DIPK2B: variants seen among roughly 807,000 people sequenced by gnomAD.
The protein encoded by DIPK2B is UPF0672 protein CXorf36.
In DIPK2B, 15 loss-of-function variants were observed where a neutral mutation model predicts 22.2. The ratio of observed to expected loss-of-function variants is 0.68; its 90% CI spans 0.45 to 1.04. The LOEUF is 1.04. Ranked by LOEUF, DIPK2B falls within the 50% of genes least tolerant of loss-of-function variation. The pLI, the probability that DIPK2B is intolerant of heterozygous loss-of-function variation, is 0.00. For missense variants in DIPK2B, 345 were observed against 348.3 expected (o/e 0.99, Z 0.08); for synonymous variants, 163 against 153.2 (o/e 1.06, Z -0.47).
At chrX:45,164,082 G>A (rs73206205) in intron 2 of DIPK2B, 84,603 of 1,032,554 alleles carry the variant, frequency 0.082, 2,712 homozygotes, top group Non-Finnish European at 0.094. Context: ...GTTTGATGCA[G>A]AAGCCTCTTT....
At chrX:45,185,765 G>A (rs1276059091) in intron 2 of DIPK2B, among the ~76,000 whole-genome samples, 1 of 106,102 alleles carries the variant, frequency 9.4e-6, no homozygotes, top group Non-Finnish European at 1.9e-5. Flanking sequence ...CCATTCTCCT[G>A]CCTCAGCCTC....
intron 2 of DIPK2B, among the ~76,000 whole-genome samples, chrX:45,188,950 T>C (rs2047197069): frequency 8.9e-6 from 1 of 112,975 alleles, no homozygotes; most frequent in African/African-American, 3.2e-5. Flanking sequence ...AATATTCCAC[T>C]GTATGGATAG....
At chrX:45,157,654 G>A in intron 3 of DIPK2B, 61 bp downstream of exon 3, 1 of 1,085,212 alleles carries the variant, frequency 9.2e-7, no homozygotes, top group Non-Finnish European at 1.2e-6. Flanking sequence ...TCAATCCAGG[G>A]AGGCTTCTGG....
intron 2 of DIPK2B, among the ~76,000 whole-genome samples, chrX:45,178,210 C>G (rs1212656173): frequency 8.9e-6 from 1 of 112,291 alleles, no homozygotes; most frequent in Non-Finnish European, 1.9e-5. Flanking sequence ...ACAGGAGTTC[C>G]TCACACATTC....
chrX:45,200,550 G>C, intron 1 of DIPK2B, 44 bp downstream of exon 1: 1 of 1,119,341 alleles, frequency 8.9e-7, no homozygotes, highest in South Asian at 1.9e-5. Flanking sequence ...CACAAGAAGG[G>C]AACAGAATTT....
At chrX:45,153,474 T>TTGTGTGTGTGTGTG (rs34281975) in intron 4 of DIPK2B, among the ~76,000 whole-genome samples, 20 of 73,862 alleles carry the variant, frequency 2.7e-4, no homozygotes, top group East Asian at 1.4e-3. Flanking sequence ...CCCAAAAGTT[T>TTGTGTGTGTGTGTG]TGTGTGTGTG....
chrX:45,165,714 A>G (rs1281169775), intron 2 of DIPK2B, among the ~76,000 whole-genome samples: 1 of 111,886 alleles, frequency 8.9e-6, no homozygotes, highest in Non-Finnish European at 1.9e-5. Flanking sequence ...ATGCTAAAAT[A>G]GTCCGTTTTA....
chrX:45,152,069 T>C, intron 4 of DIPK2B, 77 bp from the exon 5 acceptor site: 6 of 983,442 alleles, frequency 6.1e-6, no homozygotes, highest in Middle Eastern at 5.6e-4. Context: ...TTAGAATTCC[T>C]GGGTGGGGCC....
chrX:45,151,721 C>T lies in DIPK2B; in HGVS notation c.1233G>A (p.Arg411=), dbSNP rs2046962253. The T allele has an allele frequency of 2.5e-6, 3 of 1,211,908 alleles. No homozygotes were observed. In the East Asian group the frequency reaches 8.9e-5, roughly 36 times the overall value. The change falls in exon 5 of 5, where the codon AGG becomes AGA. Residue 411 remains arginine, a synonymous_variant. Coordinates refer to ENST00000398000, the MANE Select transcript of DIPK2B (RefSeq NM_176819.4). Reference sequence around the variant, plus strand: ...ATCTGGAGTCACACGTTCTCAGGGGCCTCAAGATGTCTTTCAGCTGGCTGG... The same window carrying T: ...ATCTGGAGTCACACGTTCTCAGGGGTCTCAAGATGTCTTTCAGCTGGCTGG... ...GAASQLKDIL[R]PLRTCDSRFA...
At chrX:45,186,870 C>T (rs1007271765) in intron 2 of DIPK2B, among the ~76,000 whole-genome samples, 3 of 112,279 alleles carry the variant, frequency 2.7e-5, no homozygotes, top group Admixed American at 1.9e-4. Context: ...CTATAACCAT[C>T]CCTTACATAT....
intron 1 of DIPK2B, 128 bp downstream of exon 1, chrX:45,200,466 T>C: frequency 1.5e-6 from 1 of 664,753 alleles, no homozygotes; most frequent in Non-Finnish European, 2.3e-6. Context: ...ATTACCACTC[T>C]GATTAAATGG....
chrX:45,200,786 G>T lies in DIPK2B; in HGVS notation c.41C>A (p.Pro14His). 8.3e-7 allele frequency: 1 copy of T among 1,202,451 alleles called. No homozygotes were observed. The highest frequency in any genetic ancestry group is 3.0e-5 in the East Asian group (1 of 33,461). Residue 14 changes from proline (P) to histidine (H), a missense_variant, in exon 1 of 5, where the codon CCT (proline) becomes CAT (histidine). Physicochemically the swap from Pro to His is moderately conservative, Grantham distance 77 (BLOSUM62 -2). Transcript: ENST00000398000. ...CCACAGCAGCAGGGCCAGCCAGCCA[G>T]GGCGGAGGGCGGCAGCCTCAGGCCC... is the stretch of plus-strand genomic sequence containing the variant. Reference protein sequence around the residue: ...QLGPEAAALRPGWLALLLWVS... With the variant: ...QLGPEAAALRHGWLALLLWVS...
intron 2 of DIPK2B, among the ~76,000 whole-genome samples, chrX:45,164,973 A>C (rs927588463): frequency 1.8e-5 from 2 of 111,117 alleles, no homozygotes; most frequent in Admixed American, 1.9e-4. Context: ...AATCAGGAGA[A>C]AGATGGGGGG....
Position 45,166,082 on chromosome X carries a change from G to A in DIPK2B, c.499-8194C>T, listed in dbSNP as rs550814372. Among the ~76,000 whole-genome samples, 9 of 111,791 alleles carry A rather than the reference G, an allele frequency of 8.1e-5. No homozygotes were observed. The South Asian group carries it at 3.4e-3, about 42-fold the overall frequency. Reference sequence around the variant, plus strand: ...CTACCTAATGAGCTGTTGGTAAAGAGTTAAGCCAATTATTCTGATTCCCTT... The same window carrying A: ...CTACCTAATGAGCTGTTGGTAAAGAATTAAGCCAATTATTCTGATTCCCTT... On this transcript the variant is annotated intron_variant, in intron 2 of 4. Transcript: ENST00000398000.
At chrX:45,198,806 C>T (rs1299527390) in intron 1 of DIPK2B, among the ~76,000 whole-genome samples, 1 of 111,517 alleles carries the variant, frequency 9.0e-6, no homozygotes, top group East Asian at 2.8e-4. Flanking sequence ...GGCGGAAAAC[C>T]TTGAGTTCAC....
rs141498299 is a variant in DIPK2B at position 45,176,891 on chromosome X, C to A, written c.498+14860G>T. 5.5e-3 allele frequency among the ~76,000 whole-genome samples: 610 copies of A among 111,620 alleles called. 1 individual carries two copies. The highest frequency in any genetic ancestry group is 0.019 in the African/African-American group (573 of 30,734). On this transcript the variant is annotated intron_variant, in intron 2 of 4. Coordinates refer to ENST00000398000, the MANE Select transcript of DIPK2B (RefSeq NM_176819.4). ...CAATCTCTGAAGAATGCTAATGGAT[C>A]ATTGTGCCACCAACCCTTCTTGCCC...
rs2047214408 is a variant in DIPK2B, at chrX:45,192,030, G to A, written c.234-15C>T. On this transcript the variant is annotated splice_polypyrimidine_tract_variant and intron_variant, in intron 1 of 4. Transcript: ENST00000398000. The stretch of plus-strand genomic sequence containing the variant: ...AGTTGTCAGATCTGTTGGAAGAATA[G>A]CCCTTTGAGGATTGGCCTGTGAGCT... 1 of 1,194,108 alleles carries A rather than the reference G, an allele frequency of 8.4e-7. No individual in the cohort carries two copies. The highest frequency in any genetic ancestry group is 1.8e-5 in the African/African-American group (1 of 57,024).
chrX:45,152,955 C>T (rs2046969369), intron 4 of DIPK2B, among the ~76,000 whole-genome samples: 1 of 111,350 alleles, frequency 9.0e-6, no homozygotes, highest in Non-Finnish European at 1.9e-5. Flanking sequence ...AAATGAAAAA[C>T]AAAATAAAAT....
chrX:45,151,648 C>T lies in DIPK2B; in HGVS notation c.*4G>A. 8.3e-7 allele frequency: 1 copy of T among 1,203,479 alleles called. No individual in the cohort carries two copies. Among genetic ancestry groups the T allele is most frequent in the Non-Finnish European group, 1.1e-6 (1 of 890,188 alleles). ...GTCCCCAAGGCCAGCTAGACACCAGCCCTTCAGAACTTATCGTTATATTTG... is the reference window on the plus strand; with the variant it reads ...GTCCCCAAGGCCAGCTAGACACCAGTCCTTCAGAACTTATCGTTATATTTG... On this transcript the variant is annotated 3_prime_UTR_variant, in exon 5 of 5. Transcript: ENST00000398000.
Sources: allele counts gnomAD v4.1 joint callset (sites outside exome capture counted in the v4.1 genomes callset), GRCh38; gene constraint gnomAD v4.1.1; transcripts MANE v1.5; gene names NCBI Gene and HGNC (gene_info 2026-07-23, HGNC 2026-07-21).